Variants in GPM6B observed in about 807,000 individuals in gnomAD.
The protein encoded by GPM6B is glycoprotein M6B.
In GPM6B, 4 loss-of-function variants were observed where a neutral mutation model predicts 27.2. The observed-to-expected ratio is 0.15, with a 90% CI of 0.07 to 0.34. The LOEUF is 0.34. Ranked by LOEUF, GPM6B falls within the 10% of genes least tolerant of loss-of-function variation. GPM6B has a pLI of 1.00. For missense variants in GPM6B, 183 were observed against 261.9 expected (o/e 0.70, Z 2.08); for synonymous variants, 124 against 103.1 (o/e 1.20, Z -1.23).
intron 1 of GPM6B, among the ~76,000 whole-genome samples, chrX:13,918,004 C>T (rs1258964105): frequency 2.7e-5 from 3 of 112,731 alleles, no homozygotes; most frequent in Admixed American, 1.9e-4. Flanking sequence ...TTAAGATAGC[C>T]AGCTACTATG....
chrX:13,854,100 A>G (rs1370251665), intron 1 of GPM6B, among the ~76,000 whole-genome samples: 1 of 111,534 alleles, frequency 9.0e-6, no homozygotes, highest in African/African-American at 3.3e-5. Flanking sequence ...CAGGAAGCAG[A>G]TATGGCTTTG....
rs139510651 is a variant in GPM6B, at chrX:13,870,543, A to T, written c.-198+67784T>A. Among the ~76,000 whole-genome samples, 785 of 111,868 alleles carry T rather than the reference A, an allele frequency of 7.0e-3. 2 individuals are homozygous for T. The highest frequency in any genetic ancestry group is 0.014 in the Middle Eastern group (3 of 218). ...TCTCAGTCTAGAAAGAAGTACAAATAGAGAAATCATAAAGCAATAACAACC... is the reference window on the plus strand; with the variant it reads ...TCTCAGTCTAGAAAGAAGTACAAATTGAGAAATCATAAAGCAATAACAACC... On this transcript the variant is annotated intron_variant, in intron 1 of 6. Transcript: ENST00000398361.
At position 13,793,536 on chromosome X, in the gene GPM6B, G is replaced by T. The variant is rs779340772; in HGVS notation, c.182-7728C>A. 2.7e-3 allele frequency among the ~76,000 whole-genome samples: 304 copies of T among 112,189 alleles called. 1 individual carries two copies. The highest frequency in any genetic ancestry group is 9.1e-3 in the African/African-American group (281 of 30,917). On this transcript the variant is annotated intron_variant, in intron 2 of 7. Coordinates refer to ENST00000316715, the MANE Select transcript of GPM6B (RefSeq NM_001001995.3). Reference sequence around the variant, plus strand: ...CACAGTGCCAAGAGTGAGAAACCCTGCTCTAAGGTTACAATACATAATTCT... The same window carrying T: ...CACAGTGCCAAGAGTGAGAAACCCTTCTCTAAGGTTACAATACATAATTCT...
chrX:13,774,322 T>C (rs1050655255), intron 7 of GPM6B: 17 of 975,570 alleles, frequency 1.7e-5, no homozygotes, highest in Non-Finnish European at 2.2e-5. Context: ...TGTCAGTAAA[T>C]AACTGAATCC....
intron 1 of GPM6B, among the ~76,000 whole-genome samples, chrX:13,917,391 A>T (rs1254099847): frequency 8.9e-6 from 1 of 112,591 alleles, no homozygotes; most frequent in African/African-American, 3.2e-5. Context: ...CCATTTGCTG[A>T]AATGCCAGTT....
intron 2 of GPM6B, among the ~76,000 whole-genome samples, chrX:13,795,976 G>A: frequency 9.1e-6 from 1 of 110,222 alleles, no homozygotes; most frequent in East Asian, 2.8e-4. Context: ...GCCCAGGCTG[G>A]AGTGCAATGG....
intron 1 of GPM6B, among the ~76,000 whole-genome samples, chrX:13,929,294 G>A (rs1447346768): frequency 9.0e-6 from 1 of 111,481 alleles, no homozygotes; most frequent in Non-Finnish European, 1.9e-5. Context: ...AGGAAAGCCA[G>A]GCACACTATT....
chrX:13,785,258 A>G (rs2048587372), intron 3 of GPM6B, among the ~76,000 whole-genome samples: 1 of 111,762 alleles, frequency 8.9e-6, no homozygotes, highest in South Asian at 3.7e-4. Context: ...TCTGAAAAAC[A>G]TCATGAGGTG....
chrX:13,802,539 T>C (rs1427122624), intron 2 of GPM6B, among the ~76,000 whole-genome samples: 1 of 96,203 alleles, frequency 1.0e-5, no homozygotes, highest in Non-Finnish European at 2.1e-5. Context: ...TTTACAGCTA[T>C]ATATAAATTA....
At position 13,799,190 on chromosome X, in the gene GPM6B, A is replaced by ATTTTTTTTT. The variant is rs763194245; in HGVS notation, c.181+8451_181+8459dup. 4.4e-4 allele frequency among the ~76,000 whole-genome samples: 16 copies of ATTTTTTTTT among 35,959 alleles called. 3 individuals carry two copies. Among genetic ancestry groups the ATTTTTTTTT allele is most frequent in the Admixed American group, 9.2e-4 (2 of 2,166 alleles). 31.2% of individuals were successfully genotyped at this position (35,959 alleles called of 115,157 possible). A position where few individuals can be genotyped will look rare whatever the true frequency, so the allele number is the denominator to read the frequency against. ...CTAGAAACCTCGATTAGCCAACCTA[A>ATTTTTTTTT]TTTTTTTTTTTTTTTTTTTTTTTTT... On this transcript the variant is annotated intron_variant, in intron 2 of 7. Coordinates refer to ENST00000316715, the MANE Select transcript of GPM6B (RefSeq NM_001001995.3).
At chrX:13,816,722 C>G (rs1317276154) in intron 1 of GPM6B, 122 bp downstream of exon 1, 5 of 853,031 alleles carry the variant, frequency 5.9e-6, no homozygotes, top group Non-Finnish European at 8.7e-6. Context: ...ACCCTGAAAG[C>G]AAGACCATGC....
chrX:13,799,993 T>G (rs968288417), intron 2 of GPM6B, among the ~76,000 whole-genome samples: 1 of 111,910 alleles, frequency 8.9e-6, no homozygotes, highest in Non-Finnish European at 1.9e-5. Context: ...ACCTAGTAGC[T>G]TACTTCTTAG....
At chrX:13,891,781 G>A (rs1242416364) in intron 1 of GPM6B, among the ~76,000 whole-genome samples, 2 of 111,940 alleles carry the variant, frequency 1.8e-5, no homozygotes, top group Admixed American at 1.9e-4. Context: ...CTGGAGGAAG[G>A]CAAGGAGGGG....
In GPM6B at chrX:13,935,386, C is replaced by T. The variant is rs183390708; in HGVS notation, c.-198+2941G>A. Among the ~76,000 whole-genome samples the T allele has an allele frequency of 4.0e-5, 4 of 98,948 alleles. No individual in the cohort carries two copies. In the East Asian group the frequency reaches 1.3e-3, roughly 32 times the overall value. 85.9% of individuals were successfully genotyped at this position (98,948 alleles called of 115,157 possible). A position where few individuals can be genotyped will look rare whatever the true frequency, so the allele number is the denominator to read the frequency against. On this transcript the variant is annotated intron_variant, in intron 1 of 6. Transcript: ENST00000398361. The stretch of plus-strand genomic sequence containing the variant: ...TAAAGCTTAATCGGGCATGGTGACA[C>T]ATGCCTGTAGTCCCAGCTACTTGGG...
chrX:13,811,872 T>C (rs1223958752), intron 1 of GPM6B, among the ~76,000 whole-genome samples: 1 of 111,053 alleles, frequency 9.0e-6, no homozygotes, highest in Non-Finnish European at 1.9e-5. Context: ...AATTCTCGTC[T>C]ATGGCATTTT....
In GPM6B at chrX:13,772,632, A is replaced by G. The variant is rs2048322096; in HGVS notation, c.*249T>C. 5 of 316,280 alleles carry G rather than the reference A, an allele frequency of 1.6e-5. No homozygotes were observed. The highest frequency in any genetic ancestry group is 1.7e-5 in the Non-Finnish European group (3 of 178,652). 26.1% of individuals were successfully genotyped at this position (316,280 alleles called of 1,213,427 possible). A position where few individuals can be genotyped will look rare whatever the true frequency, so the allele number is the denominator to read the frequency against. ...TGAACATGCCACAAATTCCCAAAGT[A>G]TGAACGATCATTTTGTCAAAGTGTT... On this transcript the variant is annotated 3_prime_UTR_variant, in exon 8 of 8. Coordinates refer to ENST00000316715, the MANE Select transcript of GPM6B (RefSeq NM_001001995.3).
intron 1 of GPM6B, among the ~76,000 whole-genome samples, chrX:13,905,599 G>T (rs779384270): frequency 9.0e-6 from 1 of 111,345 alleles, no homozygotes; most frequent in Non-Finnish European, 1.9e-5. Context: ...GAAGATGACC[G>T]CCTCCAAGAA....
At chrX:13,795,775 G>A (rs1178051266) in intron 2 of GPM6B, among the ~76,000 whole-genome samples, 2 of 88,262 alleles carry the variant, frequency 2.3e-5, no homozygotes, top group African/African-American at 4.5e-5. Context: ...ATGGAGTCTC[G>A]CTCCATCTTA....
intron 1 of GPM6B, among the ~76,000 whole-genome samples, chrX:13,929,759 G>A (rs761265296): frequency 3.0e-4 from 33 of 111,401 alleles, no homozygotes; most frequent in Non-Finnish European, 4.9e-4. Context: ...TCTATAATGC[G>A]CAGGACAGCC....
Sources: gnomAD v4.1 joint callset for allele counts (sites outside exome capture counted in the v4.1 genomes callset) on GRCh38, gnomAD v4.1.1 for gene constraint, MANE v1.5 for transcripts, NCBI Gene and HGNC (gene_info 2026-07-23, HGNC 2026-07-21) for gene names.